The following MSRB2 variants were observed in gnomAD, a reference collection of about 807,000 sequenced individuals.
MSRB2 encodes the protein methionine-R-sulfoxide reductase B2, mitochondrial.
In MSRB2, 17 loss-of-function variants were observed where a neutral mutation model predicts 19.0. The ratio of observed to expected loss-of-function variants is 0.89; its 90% CI spans 0.61 to 1.34. The LOEUF (loss-of-function observed/expected upper bound fraction) is 1.34. Among genes scored for constraint, MSRB2 ranks in the 40% most tolerant of loss-of-function variants. The pLI, the probability that MSRB2 is intolerant of heterozygous loss-of-function variation, is 0.00. For missense variants in MSRB2, 208 were observed against 237.6 expected (o/e 0.88, Z 0.82); for synonymous variants, 107 against 99.7 (o/e 1.07, Z -0.44).
chr10:23,105,103 A>G (rs565685541), intron 2 of MSRB2, among the ~76,000 whole-genome samples: 7 of 152,196 alleles, frequency 4.6e-5, no homozygotes, highest in Admixed American at 3.9e-4. Context: ...TTTAAACTGC[A>G]TTTGGCAATC....
At chr10:23,096,338 G>GTCTCTC (rs1235544329) in intron 1 of MSRB2, among the ~76,000 whole-genome samples, 13 of 138,344 alleles carry the variant, frequency 9.4e-5, no homozygotes, top group African/African-American at 3.3e-4. Context: ...GTGTGTGTGT[G>GTCTCTC]TCTCTCTCTC....
chr10:23,117,490 G>T (rs1381694892), intron 3 of MSRB2, among the ~76,000 whole-genome samples: 1 of 152,064 alleles, frequency 6.6e-6, no homozygotes, highest in Non-Finnish European at 1.5e-5. Context: ...TGAAATGTTT[G>T]TTTCATTTTG....
At chr10:23,107,579 T>G (rs10764382) in intron 2 of MSRB2, among the ~76,000 whole-genome samples, 13 of 151,996 alleles carry the variant, frequency 8.6e-5, no homozygotes, top group Non-Finnish European at 1.8e-4. Context: ...TCTGATACAG[T>G]CAGCCTTTGT....
At chr10:23,108,618 G>A (rs770669648) in intron 2 of MSRB2, among the ~76,000 whole-genome samples, 9 of 151,858 alleles carry the variant, frequency 5.9e-5, no homozygotes, top group Non-Finnish European at 1.2e-4. Context: ...TGGGATTACA[G>A]GCGTGCTCCA....
At chr10:23,110,163 C>T in intron 2 of MSRB2, 79 bp from the exon 3 acceptor site, 2 of 1,106,294 alleles carry the variant, frequency 1.8e-6, no homozygotes, top group South Asian at 1.4e-5. Context: ...TGGGGACTTA[C>T]CCAGGATTTA....
Position 23,121,117 on chromosome 10 carries a change from TAAAC to T in MSRB2, c.*259_*262del, listed in dbSNP as rs1016359840. On this transcript the variant is annotated 3_prime_UTR_variant, in exon 5 of 5. Coordinates refer to ENST00000376510, the MANE Select transcript of MSRB2 (RefSeq NM_012228.4). ...GAAAAAAAAAGAAAAACTAGAAAAA[TAAAC>T]AAAATTAAAAAGAAAAAAAAATACC... 2.5e-5 allele frequency: 10 copies of T among 404,040 alleles called. No individual in the cohort carries two copies. Among genetic ancestry groups the T allele is most frequent in the South Asian group, 6.4e-5 (1 of 15,678 alleles). The allele number at this position is 404,040 out of a possible 1,614,324, so 25.0% of individuals were successfully genotyped here. A position where few individuals can be genotyped will look rare whatever the true frequency, so the allele number is the denominator to read the frequency against.
chr10:23,105,138 G>C (rs1839971432), intron 2 of MSRB2, among the ~76,000 whole-genome samples: 1 of 152,110 alleles, frequency 6.6e-6, no homozygotes, highest in Non-Finnish European at 1.5e-5. Context: ...TTTTCTGAGA[G>C]AACAACCCTC....
At chr10:23,101,538 C>G (rs545257640) in intron 1 of MSRB2, among the ~76,000 whole-genome samples, 1 of 152,294 alleles carries the variant, frequency 6.6e-6, no homozygotes, top group Admixed American at 6.5e-5. Flanking sequence ...AGTGGGATTG[C>G]TGGATTAAAT....
rs541090524 is a variant in MSRB2, at chr10:23,106,164, T to C, written c.219+1920T>C. ...ATTTGGCCATTTGACAAAATGAGCA[T>C]CATTCATTATTTTAACTAATGTTAT... is the stretch of plus-strand genomic sequence containing the variant. On this transcript the variant is annotated intron_variant, in intron 2 of 4. Transcript: ENST00000376510. Among the ~76,000 whole-genome samples, 221 of 152,316 alleles carry C rather than the reference T, an allele frequency of 1.5e-3. 1 individual carries two copies. The highest frequency in any genetic ancestry group is 2.6e-3 in the Non-Finnish European group (176 of 68,030).
chr10:23,118,737 T>C (rs1005817821), intron 3 of MSRB2, among the ~76,000 whole-genome samples: 1 of 152,172 alleles, frequency 6.6e-6, no homozygotes, highest in Non-Finnish European at 1.5e-5. Flanking sequence ...GTAGGGTAGA[T>C]ATTATTCCCA....
chr10:23,095,843 T>G, intron 1 of MSRB2, 117 bp downstream of exon 1: 1 of 577,016 alleles, frequency 1.7e-6, no homozygotes, highest in Non-Finnish European at 2.5e-6. Context: ...TACTAAGCCC[T>G]CCTCGGCGCG....
chr10:23,104,157 G>A lies in MSRB2; in HGVS notation c.132G>A (p.Thr44=), dbSNP rs199858598. The A allele has an allele frequency of 1.3e-4, 210 of 1,613,162 alleles. No individual in the cohort carries two copies. Among genetic ancestry groups the A allele is most frequent in the Non-Finnish European group, 1.7e-4 (197 of 1,179,646 alleles). The change falls in exon 2 of 5, where the codon ACG becomes ACA. Residue 44 remains threonine, a synonymous_variant. Transcript: ENST00000376510. The part of the protein sequence containing the change: ...PGLGEAGSLA[T]CELPLAKSEW... The stretch of plus-strand genomic sequence containing the variant: ...TTAACAATACAGGGTCTCTTGCAAC[G>A]TGTGAGCTGCCTCTTGCCAAGAGTG...
chr10:23,096,037 C>T (rs1241035671), intron 1 of MSRB2, among the ~76,000 whole-genome samples: 1 of 150,956 alleles, frequency 6.6e-6, no homozygotes, highest in Non-Finnish European at 1.5e-5. Flanking sequence ...GGCCTCTGAC[C>T]CCTATCGGGG....
intron 3 of MSRB2, among the ~76,000 whole-genome samples, chr10:23,118,337 GT>G (rs35011086): frequency 0.22 from 19,974 of 91,806 alleles, 626 homozygotes; most frequent in Non-Finnish European, 0.24. Context: ...TTAGTTTTTT[GT>G]TTTTTTTTTT....
At chr10:23,097,160 T>TA (rs1419217371) in intron 1 of MSRB2, among the ~76,000 whole-genome samples, 5 of 152,218 alleles carry the variant, frequency 3.3e-5, no homozygotes, top group African/African-American at 9.6e-5. Flanking sequence ...AAGAAATACT[T>TA]ACGTAAATCA....
chr10:23,117,942 G>C (rs1840131342), intron 3 of MSRB2, among the ~76,000 whole-genome samples: 1 of 152,130 alleles, frequency 6.6e-6, no homozygotes, highest in Non-Finnish European at 1.5e-5. Flanking sequence ...ATGCTCACTG[G>C]AGTATTGCAG....
rs539866625 is a variant in MSRB2 at position 23,103,559 on chromosome 10, C to T, written c.119-585C>T. ...AAGAAAACAAAATATGGACAAAAACCATGAAGCATCATAATAGATTATGGT... is the reference window on the plus strand; with the variant it reads ...AAGAAAACAAAATATGGACAAAAACTATGAAGCATCATAATAGATTATGGT... On this transcript the variant is annotated intron_variant, in intron 1 of 4. Coordinates refer to ENST00000376510, the MANE Select transcript of MSRB2 (RefSeq NM_012228.4). Among the ~76,000 whole-genome samples, 4 of 152,250 alleles carry T rather than the reference C, an allele frequency of 2.6e-5. No individual in the cohort carries two copies. The South Asian group carries it at 8.3e-4, about 32-fold the overall frequency.
chr10:23,096,748 C>T (rs1399688158), intron 1 of MSRB2, among the ~76,000 whole-genome samples: 1 of 152,218 alleles, frequency 6.6e-6, no homozygotes, highest in Non-Finnish European at 1.5e-5. Flanking sequence ...CCTTTCTAAT[C>T]ACTGGTGTCT....
intron 3 of MSRB2, among the ~76,000 whole-genome samples, chr10:23,110,798 C>A (rs1334791690): frequency 1.3e-5 from 2 of 152,164 alleles, no homozygotes; most frequent in Non-Finnish European, 2.9e-5. Context: ...GAATACCATA[C>A]CCTCTTCTAT....
Sources: allele counts gnomAD v4.1 joint callset (sites outside exome capture counted in the v4.1 genomes callset), GRCh38; gene constraint gnomAD v4.1.1; transcripts MANE v1.5; gene names NCBI Gene and HGNC (gene_info 2026-07-23, HGNC 2026-07-21).